Variants in SCLT1 observed in about 807,000 individuals in gnomAD.
SCLT1 encodes sodium channel-associated protein 1.
A neutral mutation model predicts 112.8 loss-of-function variants in SCLT1; 78 were observed. The observed-to-expected ratio is 0.69, with a 90% CI of 0.58 to 0.83. The LOEUF is 0.83. SCLT1 is among the 40% of genes least tolerant of loss of function. SCLT1 has a pLI of 0.00. For missense variants in SCLT1, 747 were observed against 770.4 expected (o/e 0.97, Z 0.36); for synonymous variants, 257 against 254.7 (o/e 1.01, Z -0.09).
intron 5 of SCLT1, among the ~76,000 whole-genome samples, chr4:129,012,974 C>T (rs1579697724): frequency 6.6e-6 from 1 of 152,080 alleles, no homozygotes; most frequent in Admixed American, 6.5e-5. Context: ...GTTTGCCATT[C>T]TGTGTCTTTT....
intron 2 of SCLT1, among the ~76,000 whole-genome samples, chr4:129,067,631 C>T (rs1750606196): frequency 6.6e-6 from 1 of 152,030 alleles, no homozygotes; most frequent in Non-Finnish European, 1.5e-5. Context: ...CTGACTCAGC[C>T]TCCCAAGTAG....
intron 20 of SCLT1, among the ~76,000 whole-genome samples, chr4:128,886,045 T>A (rs1016032150): frequency 1.3e-5 from 2 of 152,214 alleles, no homozygotes; most frequent in Non-Finnish European, 2.9e-5. Flanking sequence ...TCTCGGTTTG[T>A]CACTGACTTT....
intron 2 of SCLT1, among the ~76,000 whole-genome samples, chr4:129,057,328 ATGCTGGCCTTGTGGGATACATTT>A (rs1237079883): frequency 2.0e-5 from 3 of 151,910 alleles, no homozygotes; most frequent in African/African-American, 7.3e-5. Flanking sequence ...GTATCAGGTA[ATGCTGGCCTTGTGGGATACATTT>A]GGAAGAATCA....
At chr4:128,895,023 C>T (rs987971040) in intron 18 of SCLT1, among the ~76,000 whole-genome samples, 4 of 152,194 alleles carry the variant, frequency 2.6e-5, no homozygotes, top group Admixed American at 6.5e-5. Context: ...GAAAGAGACT[C>T]TCTCTTTGAT....
At chr4:128,942,294 TA>T (rs1475981550) in intron 17 of SCLT1, among the ~76,000 whole-genome samples, 1 of 151,986 alleles carries the variant, frequency 6.6e-6, no homozygotes, top group Non-Finnish European at 1.5e-5. Flanking sequence ...AAAACCAAAA[TA>T]AAACAGTGAC....
chr4:128,950,785 A>G (rs991700415), intron 14 of SCLT1, among the ~76,000 whole-genome samples: 1 of 152,188 alleles, frequency 6.6e-6, no homozygotes, highest in Non-Finnish European at 1.5e-5. Context: ...TGAACATTTT[A>G]TGTTACTTTT....
rs767654765 is a variant in SCLT1, at chr4:128,945,958, G to C, written c.1439+49C>G. Reference sequence around the variant, plus strand: ...AAAGGTAGCGAATCTGTCAAAAATTGTGTGAATTCTGAAGATGTTATCATA... The same window carrying C: ...AAAGGTAGCGAATCTGTCAAAAATTCTGTGAATTCTGAAGATGTTATCATA... On this transcript the variant is annotated intron_variant, in intron 16 of 20. Transcript: ENST00000281142. The C allele has an allele frequency of 1.3e-5, 18 of 1,342,602 alleles. No homozygotes were observed. The South Asian group carries it at 2.4e-4, about 18-fold the overall frequency. The allele number at this position is 1,342,602 out of a possible 1,614,324, so 83.2% of individuals were successfully genotyped here. A position where few individuals can be genotyped will look rare whatever the true frequency, so the allele number is the denominator to read the frequency against.
intron 8 of SCLT1, among the ~76,000 whole-genome samples, chr4:128,995,440 G>T (rs1742928240): frequency 1.3e-5 from 2 of 151,972 alleles, no homozygotes; most frequent in South Asian, 2.1e-4. Context: ...TTTTCATTAG[G>T]ATTGGTTTCT....
At chr4:129,065,010 G>A (rs897383008) in intron 2 of SCLT1, among the ~76,000 whole-genome samples, 6 of 152,026 alleles carry the variant, frequency 3.9e-5, no homozygotes, top group South Asian at 4.1e-4. Context: ...CAACTGTGCT[G>A]TTTAGAACCT....
At chr4:128,893,055 A>G (rs1733451466) in intron 18 of SCLT1, among the ~76,000 whole-genome samples, 1 of 152,222 alleles carries the variant, frequency 6.6e-6, no homozygotes, top group Non-Finnish European at 1.5e-5. Context: ...AGTTACGCAT[A>G]TTAGTGCTGA....
chr4:128,881,904 C>T (rs2125916904), downstream of SCLT1, among the ~76,000 whole-genome samples: 1 of 152,288 alleles, frequency 6.6e-6, no homozygotes, highest in East Asian at 1.9e-4. Context: ...GGCATATTAT[C>T]TGCATATTAG....
chr4:129,077,930 A>G (rs747153717), intron 2 of SCLT1, among the ~76,000 whole-genome samples: 3 of 152,210 alleles, frequency 2.0e-5, no homozygotes, highest in Non-Finnish European at 4.4e-5. Context: ...TCATGCTGTC[A>G]TATCACCTCC....
chr4:129,084,076 C>G (rs1561067776), intron 1 of SCLT1, among the ~76,000 whole-genome samples: 1 of 152,146 alleles, frequency 6.6e-6, no homozygotes, highest in Non-Finnish European at 1.5e-5. Flanking sequence ...AAATACACAA[C>G]AAACATCATA....
At chr4:128,954,731 T>A (rs1462126293) in intron 13 of SCLT1, among the ~76,000 whole-genome samples, 1 of 152,240 alleles carries the variant, frequency 6.6e-6, no homozygotes, top group African/African-American at 2.4e-5. Flanking sequence ...TGAGGATTAA[T>A]GGGTGTTAGG....
chr4:128,897,912 A>G (rs1205795952), intron 18 of SCLT1, among the ~76,000 whole-genome samples: 1 of 152,226 alleles, frequency 6.6e-6, no homozygotes, highest in Non-Finnish European at 1.5e-5. Context: ...AACAAAGATC[A>G]AAAGAGACAA....
chr4:129,061,295 A>C (rs1410847962), intron 2 of SCLT1, among the ~76,000 whole-genome samples: 4 of 152,164 alleles, frequency 2.6e-5, no homozygotes, highest in African/African-American at 4.8e-5. Flanking sequence ...AGAATAGCCC[A>C]ACAATTAATC....
chr4:129,049,687 G>T (rs1748571894), intron 2 of SCLT1, among the ~76,000 whole-genome samples: 1 of 150,716 alleles, frequency 6.6e-6, no homozygotes, highest in Non-Finnish European at 1.5e-5. Context: ...AGTTTTTCCA[G>T]CACTATTTCT....
intron 19 of SCLT1, among the ~76,000 whole-genome samples, chr4:128,889,984 T>C (rs1733186843): frequency 6.6e-6 from 1 of 152,216 alleles, no homozygotes; most frequent in Admixed American, 6.5e-5. Context: ...TTATATTTCT[T>C]ATTATGCCCA....
At position 128,891,253 on chromosome 4, in the gene SCLT1, TAA is replaced by T. The variant is rs1345054926; in HGVS notation, c.1830-118_1830-117del. Reference sequence around the variant, plus strand: ...AAAAATATCATCTTGAGGTGGAAAATAAAGTCACTTACTAATAGACCATATCT... The same window carrying T: ...AAAAATATCATCTTGAGGTGGAAAATAGTCACTTACTAATAGACCATATCT... On this transcript the variant is annotated intron_variant, in intron 18 of 20. Transcript: ENST00000281142. 2.5e-5 allele frequency: 18 copies of T among 731,568 alleles called. No homozygotes were observed. In the East Asian group the frequency reaches 4.7e-4, roughly 19 times the overall value. 45.3% of individuals were successfully genotyped at this position (731,568 alleles called of 1,614,324 possible).
Sources: gnomAD v4.1 joint callset for allele counts (sites outside exome capture counted in the v4.1 genomes callset) on GRCh38, gnomAD v4.1.1 for gene constraint, MANE v1.5 for transcripts, NCBI Gene and HGNC (gene_info 2026-07-23, HGNC 2026-07-21) for gene names.